The following MLLT10 variants were observed in gnomAD, a reference collection of about 807,000 sequenced individuals.
The protein encoded by MLLT10 is protein AF-10.
Under a neutral mutation model 129.1 loss-of-function variants are expected in MLLT10, and 30 were observed. The ratio of observed to expected loss-of-function variants is 0.23; its 90% confidence interval spans 0.17 to 0.32. The LOEUF (loss-of-function observed/expected upper bound fraction) is 0.32. Ranked by LOEUF, MLLT10 falls within the 10% of genes least tolerant of loss-of-function variation. The pLI, the probability that MLLT10 is intolerant of heterozygous loss-of-function variation, is 1.00. For missense variants in MLLT10, 1,119 were observed against 1,268.3 expected (o/e 0.88, Z 1.79); for synonymous variants, 490 against 446.4 (o/e 1.10, Z -1.23).
chr10:21,722,560 C>A (rs182537125), intron 14 of MLLT10, among the ~76,000 whole-genome samples: 2 of 152,260 alleles, frequency 1.3e-5, no homozygotes, highest in African/African-American at 4.8e-5. Flanking sequence ...CATGGACTTT[C>A]TTCCTTTCCC....
intron 13 of MLLT10, among the ~76,000 whole-genome samples, chr10:21,712,134 C>T (rs184937823): frequency 6.6e-6 from 1 of 152,180 alleles, no homozygotes; most frequent in East Asian, 1.9e-4. Flanking sequence ...TAAAATGTCC[C>T]AGTTGTTTTG....
At chr10:21,669,974 T>C (rs1589548304) in intron 9 of MLLT10, among the ~76,000 whole-genome samples, 1 of 152,212 alleles carries the variant, frequency 6.6e-6, no homozygotes, top group African/African-American at 2.4e-5. Context: ...AGTTTTGCTC[T>C]GTCCTCCGCT....
At chr10:21,670,416 CTT>C (rs1300284675) in intron 9 of MLLT10, 31 bp from the exon 10 acceptor site, 1 of 1,572,368 alleles carries the variant, frequency 6.4e-7, no homozygotes, top group Non-Finnish European at 8.6e-7. Context: ...GTAATCAACT[CTT>C]TTTCCTTCCC....
intron 9 of MLLT10, among the ~76,000 whole-genome samples, chr10:21,668,701 C>T (rs1220254371): frequency 6.6e-6 from 1 of 151,974 alleles, no homozygotes; most frequent in Non-Finnish European, 1.5e-5. Flanking sequence ...TTTTTATGGA[C>T]AGATTTATAC....
chr10:21,539,069 G>A, intron 3 of MLLT10, 157 bp downstream of exon 3: 1 of 506,326 alleles, frequency 2.0e-6, no homozygotes, highest in Non-Finnish European at 3.5e-6. Context: ...GTATTAAACA[G>A]ATTTTGTAAA....
chr10:21,682,687 G>T (rs78183165), intron 13 of MLLT10, among the ~76,000 whole-genome samples: 3,368 of 152,210 alleles, frequency 0.022, 128 homozygotes, highest in African/African-American at 0.076. Context: ...ATTCCACATA[G>T]TGAATAAATG....
rs376844786 is a variant in MLLT10, at chr10:21,673,525, G to C, written c.1227G>C (p.Gly409=). ...AAGGAGAGTCTGGAAGCCAGGAAGG[G>C]GGGGTAAATAGTTTTAGTACCTTAA... ...VHKGESGSQE[G]GVNSFSTLIG... is the part of the protein sequence containing the mutation. Residue 409 remains glycine (G), a synonymous_variant, in exon 11 of 23, where the codon GGG becomes GGC. Transcript: ENST00000307729. 5.9e-5 allele frequency: 96 copies of C among 1,613,490 alleles called. No homozygotes were observed. The African/African-American group carries it at 1.1e-3, about 19-fold the overall frequency.
intron 14 of MLLT10, among the ~76,000 whole-genome samples, chr10:21,719,763 G>A (rs553549726): frequency 2.0e-5 from 3 of 152,128 alleles, no homozygotes; most frequent in African/African-American, 7.2e-5. Flanking sequence ...TACTTTATGA[G>A]GTTCAAATGC....
At chr10:21,679,614 A>C (rs1209023278) in intron 11 of MLLT10, among the ~76,000 whole-genome samples, 1 of 152,112 alleles carries the variant, frequency 6.6e-6, no homozygotes, top group African/African-American at 2.4e-5. Flanking sequence ...GGCATAAAGA[A>C]CTCAAATTGC....
Position 21,534,405 on chromosome 10 carries a change from G to A in MLLT10, c.-116G>A, listed in dbSNP as rs1017364871. 1 of 457,104 alleles carries A rather than the reference G, an allele frequency of 2.2e-6. No individual in the cohort carries two copies. Among genetic ancestry groups the A allele is most frequent in the Non-Finnish European group, 3.9e-6 (1 of 258,762 alleles). The allele number at this position is 457,104 out of a possible 1,614,324, so 28.3% of individuals were successfully genotyped here. A position where few individuals can be genotyped will look rare whatever the true frequency, so the allele number is the denominator to read the frequency against. ...CGGCCGGGTGGAGGTGGGGAGGGAA[G>A]ACGCTGAGGAGGAGGAGGAGGCGGA... On this transcript the variant is annotated 5_prime_UTR_variant, in exon 1 of 23. Coordinates refer to ENST00000307729, the MANE Select transcript of MLLT10 (RefSeq NM_001195626.3).
chr10:21,647,204 T>C (rs2048586554), intron 8 of MLLT10, among the ~76,000 whole-genome samples: 1 of 152,196 alleles, frequency 6.6e-6, no homozygotes, highest in Non-Finnish European at 1.5e-5. Context: ...AATGATTTTT[T>C]TTCAAGCACA....
intron 13 of MLLT10, among the ~76,000 whole-genome samples, chr10:21,701,661 G>T (rs750259511): frequency 6.6e-6 from 1 of 151,924 alleles, no homozygotes; most frequent in South Asian, 2.1e-4. Context: ...ATCTCTTCTC[G>T]CTGCAACCTC....
At chr10:21,599,807 A>G (rs1218997393) in intron 5 of MLLT10, among the ~76,000 whole-genome samples, 1 of 152,136 alleles carries the variant, frequency 6.6e-6, no homozygotes, top group Non-Finnish European at 1.5e-5. Context: ...AGCTCAAGTG[A>G]TCTGCCTGCT....
chr10:21,548,119 G>T (rs547777615), intron 3 of MLLT10, among the ~76,000 whole-genome samples: 3 of 152,116 alleles, frequency 2.0e-5, no homozygotes, highest in Admixed American at 6.6e-5. Flanking sequence ...TGTAACTAAA[G>T]ATTTTATTCT....
chr10:21,559,457 CAT>C (rs2038515093), intron 3 of MLLT10, among the ~76,000 whole-genome samples: 1 of 152,172 alleles, frequency 6.6e-6, no homozygotes, highest in South Asian at 2.1e-4. Context: ...TTTCCATATT[CAT>C]TGTGGTAAAA....
intron 14 of MLLT10, among the ~76,000 whole-genome samples, chr10:21,717,912 T>A (rs200718667): frequency 1.2e-5 from 1 of 86,800 alleles, no homozygotes; most frequent in East Asian, 3.7e-4. Flanking sequence ...TCCTCCTCCT[T>A]CTCCTTCTCC....
At chr10:21,643,698 G>C (rs556892141) in intron 8 of MLLT10, among the ~76,000 whole-genome samples, 1 of 152,072 alleles carries the variant, frequency 6.6e-6, no homozygotes, top group Non-Finnish European at 1.5e-5. Flanking sequence ...GATGACTAAC[G>C]ACACCTCCCT....
intron 14 of MLLT10, among the ~76,000 whole-genome samples, chr10:21,718,174 T>C (rs902043580): frequency 2.0e-5 from 3 of 148,090 alleles, no homozygotes; most frequent in East Asian, 3.9e-4. Flanking sequence ...TGTTAAACCC[T>C]TTTTTTTTTC....
intron 22 of MLLT10, 103 bp downstream of exon 22, chr10:21,740,339 T>C: frequency 7.7e-7 from 1 of 1,292,422 alleles, no homozygotes; most frequent in Middle Eastern, 1.9e-4. Flanking sequence ...TCATTTCTTC[T>C]TAAAACCAGT....
Sources: allele counts gnomAD v4.1 joint callset (sites outside exome capture counted in the v4.1 genomes callset), GRCh38; gene constraint gnomAD v4.1.1; transcripts MANE v1.5; gene names NCBI Gene and HGNC (gene_info 2026-07-23, HGNC 2026-07-21).